POU2F3: variants seen among roughly 807,000 people sequenced by gnomAD.
The protein encoded by POU2F3 is POU domain, class 2, transcription factor 3.
Under a neutral mutation model 59.2 loss-of-function variants are expected in POU2F3, and 23 were observed. That is an observed-to-expected ratio of 0.39 (90% CI 0.28 to 0.55). POU2F3 has a LOEUF of 0.55. POU2F3 is among the 20% of genes least tolerant of loss of function. POU2F3 has a pLI of 0.66. For synonymous variants in POU2F3, 190 were observed against 214.6 expected, an observed-to-expected ratio of 0.89 and a Z score of 1.00; for missense variants, 473 against 544.5, an observed-to-expected ratio of 0.87 and a Z score of 1.31.
intron 3 of POU2F3, among the ~76,000 whole-genome samples, chr11:120,283,638 G>C (rs1295379805): frequency 6.6e-6 from 1 of 152,068 alleles, no homozygotes; most frequent in African/African-American, 2.4e-5. Flanking sequence ...ACCCTAGCCT[G>C]CCCCCACCCA....
chr11:120,305,860 G>C lies in POU2F3; in HGVS notation c.769+75G>C, dbSNP rs1591439056. ...AAGGGCCAGTGACTTGTCGTGTTGG[G>C]GCTTTTGGGAGTTTGATACCTAACA... On this transcript the variant is annotated intron_variant, in intron 8 of 12. Transcript: ENST00000543440. 3 of 1,560,172 alleles carry C rather than the reference G, an allele frequency of 1.9e-6. No individual in the cohort carries two copies. In the South Asian group the frequency reaches 3.5e-5, roughly 18 times the overall value.
chr11:120,242,004 G>A (rs1191179651), intron 1 of POU2F3, among the ~76,000 whole-genome samples: 1 of 152,148 alleles, frequency 6.6e-6, no homozygotes, highest in African/African-American at 2.4e-5. Flanking sequence ...AGGTATTCCC[G>A]ACACATGGGG....
intron 3 of POU2F3, among the ~76,000 whole-genome samples, chr11:120,271,399 A>T (rs931283613): frequency 2.0e-5 from 3 of 152,220 alleles, no homozygotes; most frequent in Non-Finnish European, 4.4e-5. Flanking sequence ...ATGCCCAAGG[A>T]TTCTGTGATT....
chr11:120,301,970 A>C, intron 5 of POU2F3: 1 of 231,246 alleles, frequency 4.3e-6, no homozygotes. Flanking sequence ...CAGCTCTGGT[A>C]ATCAGATCCC....
intron 1 of POU2F3, 74 bp from the exon 2 acceptor site, chr11:120,246,375 T>C: frequency 7.1e-7 from 1 of 1,413,376 alleles, no homozygotes; most frequent in East Asian, 2.3e-5. Context: ...TCTTTGTTAT[T>C]TAGTTAAAGC....
upstream of POU2F3, among the ~76,000 whole-genome samples, chr11:120,237,407 C>T (rs765480098): frequency 6.6e-5 from 10 of 152,150 alleles, no homozygotes; most frequent in Non-Finnish European, 1.5e-4. Context: ...AGCTGTGAAC[C>T]TCCAAGGTCC....
chr11:120,260,990 G>A (rs1296025198), intron 2 of POU2F3, among the ~76,000 whole-genome samples: 1 of 151,954 alleles, frequency 6.6e-6, no homozygotes, highest in Admixed American at 6.6e-5. Flanking sequence ...TGCTTGAGCC[G>A]GGGAGGTCAA....
At chr11:120,280,787 T>C (rs1940534406) in intron 3 of POU2F3, among the ~76,000 whole-genome samples, 1 of 152,200 alleles carries the variant, frequency 6.6e-6, no homozygotes, top group African/African-American at 2.4e-5. Flanking sequence ...CTCTTCTGGC[T>C]GAGGCTTGCC....
Position 120,308,938 on chromosome 11 carries a change from C to CAA in POU2F3, c.907-450_907-449dup, listed in dbSNP as rs386375076. ...TAGGCAACAGAGCGAGACTCCGTCTCAAAAAAAAAAAAAAAAAAAAAAAAA... is the reference window on the plus strand; with the variant it reads ...TAGGCAACAGAGCGAGACTCCGTCTCAAAAAAAAAAAAAAAAAAAAAAAAAAA... On this transcript the variant is annotated intron_variant, in intron 9 of 12. Coordinates refer to ENST00000543440, the MANE Select transcript of POU2F3 (RefSeq NM_014352.4). Among the ~76,000 whole-genome samples the CAA allele has an allele frequency of 6.3e-4, 18 of 28,772 alleles. 4 individuals are homozygous for CAA. Among genetic ancestry groups the CAA allele is most frequent in the African/African-American group, 1.4e-3 (11 of 8,030 alleles). 18.9% of individuals were successfully genotyped at this position (28,772 alleles called of 152,430 possible).
intron 2 of POU2F3, among the ~76,000 whole-genome samples, chr11:120,266,377 GT>G (rs1272117599): frequency 2.0e-5 from 3 of 152,106 alleles, no homozygotes; most frequent in Non-Finnish European, 4.4e-5. Context: ...CAGCCTCCCA[GT>G]TGGTCTCCCT....
rs1010887566 is a variant in POU2F3 at position 120,286,055 on chromosome 11, GT to G, written c.133-12201del. Among the ~76,000 whole-genome samples the G allele has an allele frequency of 3.3e-5, 5 of 150,570 alleles. No homozygotes were observed. The East Asian group carries it at 5.8e-4, about 18-fold the overall frequency. ...CCACCACCATGCCCAGCTCATTTTT[GT>G]TTTTTTTTAATAGAGATGGGGTTTT... On this transcript the variant is annotated intron_variant, in intron 3 of 12. Coordinates refer to ENST00000543440, the MANE Select transcript of POU2F3 (RefSeq NM_014352.4).
chr11:120,294,122 T>C (rs1941118731), intron 3 of POU2F3, among the ~76,000 whole-genome samples: 1 of 152,236 alleles, frequency 6.6e-6, no homozygotes, highest in Non-Finnish European at 1.5e-5. Context: ...AGGCTACTGC[T>C]TTCTGAAGTA....
intron 12 of POU2F3, among the ~76,000 whole-genome samples, chr11:120,317,636 C>G (rs1941823290): frequency 6.6e-6 from 1 of 152,206 alleles, no homozygotes; most frequent in Non-Finnish European, 1.5e-5. Flanking sequence ...TGGAAATTTC[C>G]AAACACTCAT....
At position 120,318,449 on chromosome 11, in the gene POU2F3, A is replaced by C; in HGVS notation, c.*57A>C. 1.4e-6 allele frequency: 2 copies of C among 1,479,792 alleles called. No individual in the cohort carries two copies. Among genetic ancestry groups the C allele is most frequent in the Non-Finnish European group, 1.9e-6 (2 of 1,057,850 alleles). 91.7% of individuals were successfully genotyped at this position (1,479,792 alleles called of 1,614,324 possible). ...CTGTATTCCCCCTGGAAGGAAGGGA[A>C]TCATGCCTTCTATATACAGACAGAT... On this transcript the variant is annotated 3_prime_UTR_variant, in exon 13 of 13. Transcript: ENST00000543440.
intron 10 of POU2F3, among the ~76,000 whole-genome samples, chr11:120,312,903 G>A (rs1941686535): frequency 6.6e-6 from 1 of 152,166 alleles, no homozygotes; most frequent in Non-Finnish European, 1.5e-5. Context: ...GTTGGGGGGT[G>A]CAGAGAGGTG....
intron 9 of POU2F3, among the ~76,000 whole-genome samples, chr11:120,307,848 T>C (rs1941541940): frequency 6.6e-6 from 1 of 152,200 alleles, no homozygotes; most frequent in Admixed American, 6.5e-5. Context: ...CCCTGACATC[T>C]ATTTAGGGCC....
intron 3 of POU2F3, among the ~76,000 whole-genome samples, chr11:120,279,462 C>T (rs1487240282): frequency 1.3e-5 from 2 of 152,188 alleles, no homozygotes; most frequent in African/African-American, 2.4e-5. Context: ...CCACCCTTCT[C>T]CCTGTGTGGT....
intron 3 of POU2F3, among the ~76,000 whole-genome samples, chr11:120,293,302 G>A (rs1365639312): frequency 6.6e-6 from 1 of 152,224 alleles, no homozygotes; most frequent in African/African-American, 2.4e-5. Flanking sequence ...GAACAGCTAA[G>A]AGCCATGGAG....
rs34700321 is a variant in POU2F3, at chr11:120,262,962, A to AATTTATTT, written c.98-6220_98-6213dup. 9.0e-3 allele frequency among the ~76,000 whole-genome samples: 1,103 copies of AATTTATTT among 122,726 alleles called. 16 individuals are homozygous for AATTTATTT. Among genetic ancestry groups the AATTTATTT allele is most frequent in the African/African-American group, 0.039 (1,017 of 26,238 alleles). The allele number at this position is 122,726 out of a possible 152,430, so 80.5% of individuals were successfully genotyped here. On this transcript the variant is annotated intron_variant, in intron 2 of 12. Coordinates refer to ENST00000543440, the MANE Select transcript of POU2F3 (RefSeq NM_014352.4). Reference sequence around the variant, plus strand: ...TAACCATTTCTTTTCTTATTTATTTAATTTATTTATTTATTTATTTATTTA... The same window carrying AATTTATTT: ...TAACCATTTCTTTTCTTATTTATTTAATTTATTTATTTATTTATTTATTTATTTATTTA...
Sources: allele counts gnomAD v4.1 joint callset (sites outside exome capture counted in the v4.1 genomes callset), GRCh38; gene constraint gnomAD v4.1.1; transcripts MANE v1.5; gene names NCBI Gene and HGNC (gene_info 2026-07-23, HGNC 2026-07-21).